Variants in TLE4 observed in about 807,000 individuals in gnomAD.
The protein encoded by TLE4 is transducin-like enhancer protein 4.
In TLE4, 8 loss-of-function variants were observed where a neutral mutation model predicts 92.8. The observed-to-expected ratio is 0.09, with a 90% CI of 0.05 to 0.16. The LOEUF (loss-of-function observed/expected upper bound fraction) is 0.16, where lower values mean the gene tolerates loss of function less well. TLE4 is among the 10% of genes least tolerant of loss of function. The probability of loss-of-function intolerance (pLI) is 1.00; values close to 1 mark genes in which losing one functional copy is unlikely to be tolerated. For missense variants in TLE4, 675 were observed against 997.6 expected (o/e 0.68, Z 4.36); for synonymous variants, 371 against 374.1 (o/e 0.99, Z 0.10).
chr9:79,655,132 C>G (rs1041932576), intron 8 of TLE4, among the ~76,000 whole-genome samples: 2 of 152,008 alleles, frequency 1.3e-5, no homozygotes. Flanking sequence ...CAGAGTGAGA[C>G]TCTGTCTCAA....
intron 14 of TLE4, among the ~76,000 whole-genome samples, chr9:79,716,202 A>G (rs1457543817): frequency 1.3e-5 from 2 of 152,116 alleles, no homozygotes; most frequent in African/African-American, 4.8e-5. Context: ...TATATCCTAT[A>G]TGCTCTCCAC....
chr9:79,613,696 G>A (rs952872737), intron 5 of TLE4, among the ~76,000 whole-genome samples: 2 of 152,146 alleles, frequency 1.3e-5, no homozygotes, highest in African/African-American at 2.4e-5. Context: ...TGCTTTTCAG[G>A]AGAGAGGTTC....
intron 4 of TLE4, among the ~76,000 whole-genome samples, chr9:79,605,737 A>G (rs1164668007): frequency 6.6e-6 from 1 of 152,172 alleles, no homozygotes; most frequent in East Asian, 1.9e-4. Flanking sequence ...CAGTAGCCCC[A>G]TGTATCTTGT....
chr9:79,725,372 G>A lies in TLE4; in HGVS notation c.*228G>A. 5.1e-6 allele frequency: 2 copies of A among 395,632 alleles called. No homozygotes were observed. Among genetic ancestry groups the A allele is most frequent in the Non-Finnish European group, 9.3e-6 (2 of 215,692 alleles). 24.5% of individuals were successfully genotyped at this position (395,632 alleles called of 1,614,324 possible). ...TCAGCTGTCTACTTGGAAGAACATG[G>A]AATAAGCATACTTAACAGTGAAAAG... On this transcript the variant is annotated 3_prime_UTR_variant, in exon 20 of 20. Coordinates refer to ENST00000376552, the MANE Select transcript of TLE4 (RefSeq NM_007005.6).
At chr9:79,687,800 C>A (rs75381144) in intron 8 of TLE4, among the ~76,000 whole-genome samples, 2,475 of 152,266 alleles carry the variant, frequency 0.016, 62 homozygotes, top group African/African-American at 0.056. Context: ...CCCTTTGTGA[C>A]CTTGCATGAG....
At position 79,612,136 on chromosome 9, in the gene TLE4, T is replaced by C. The variant is rs573397678; in HGVS notation, c.253-520T>C. Among the ~76,000 whole-genome samples the C allele has an allele frequency of 3.9e-5, 6 of 152,130 alleles. No individual in the cohort carries two copies. The East Asian group carries it at 1.2e-3, about 30-fold the overall frequency. On this transcript the variant is annotated intron_variant, in intron 4 of 19. Coordinates refer to ENST00000376552, the MANE Select transcript of TLE4 (RefSeq NM_007005.6). Reference sequence around the variant, plus strand: ...TTGTAAGAATCCGAATTAGCCAACTTTTTTGGGTTGTTTGGGTGCTGCTGT... The same window carrying C: ...TTGTAAGAATCCGAATTAGCCAACTCTTTTGGGTTGTTTGGGTGCTGCTGT...
chr9:79,584,497 GTC>G (rs1483266897), intron 4 of TLE4, among the ~76,000 whole-genome samples: 3 of 152,138 alleles, frequency 2.0e-5, no homozygotes, highest in Non-Finnish European at 4.4e-5. Context: ...TTTATTTCCT[GTC>G]TCTCTCTCGT....
At chr9:79,708,079 A>G (rs748710281) in intron 11 of TLE4, 39 bp from the exon 12 acceptor site, 1 of 1,604,646 alleles carries the variant, frequency 6.2e-7, no homozygotes, top group African/African-American at 1.3e-5. Context: ...TGTTAAAACC[A>G]TGTTCTAATT....
chr9:79,608,293 C>T (rs898403005), intron 4 of TLE4, among the ~76,000 whole-genome samples: 6 of 151,946 alleles, frequency 3.9e-5, no homozygotes, highest in Non-Finnish European at 8.8e-5. Flanking sequence ...ACTTTTTAAT[C>T]TAGGGTCAGG....
rs931149030 is a variant in TLE4 at position 79,704,773 on chromosome 9, C to G, written c.610-10C>G. On this transcript the variant is annotated splice_polypyrimidine_tract_variant and intron_variant, in intron 8 of 19. Coordinates refer to ENST00000376552, the MANE Select transcript of TLE4 (RefSeq NM_007005.6). ...TTTCTCAACCATGCTTCCTCTCCTTCTAATTCCAGAGCTCTTCAGTATCCC... is the reference window on the plus strand; with the variant it reads ...TTTCTCAACCATGCTTCCTCTCCTTGTAATTCCAGAGCTCTTCAGTATCCC... The G allele has an allele frequency of 1.2e-6, 2 of 1,606,142 alleles. No homozygotes were observed. The highest frequency in any genetic ancestry group is 1.3e-5 in the African/African-American group (1 of 74,326).
At chr9:79,698,252 A>AT (rs1372067721) in intron 8 of TLE4, among the ~76,000 whole-genome samples, 2 of 152,190 alleles carry the variant, frequency 1.3e-5, no homozygotes, top group African/African-American at 4.8e-5. Context: ...TAGCATAACC[A>AT]TTGTAGACAC....
chr9:79,645,860 A>G (rs944765388), intron 6 of TLE4, among the ~76,000 whole-genome samples: 2 of 152,176 alleles, frequency 1.3e-5, no homozygotes, highest in East Asian at 3.9e-4. Flanking sequence ...GTTTGAGATA[A>G]GAGAGGTTTT....
chr9:79,717,320 A>G (rs1004809357), intron 14 of TLE4, among the ~76,000 whole-genome samples: 6 of 152,138 alleles, frequency 3.9e-5, no homozygotes, highest in Non-Finnish European at 7.4e-5. Flanking sequence ...TCTTAGCCCT[A>G]GGGTCCTCTT....
chr9:79,621,808 G>A (rs937593219), intron 5 of TLE4, among the ~76,000 whole-genome samples: 7 of 152,146 alleles, frequency 4.6e-5, no homozygotes, highest in African/African-American at 1.7e-4. Flanking sequence ...GGTCTCTAAA[G>A]GCCTTTTCCA....
At chr9:79,613,877 A>C (rs1020921059) in intron 5 of TLE4, among the ~76,000 whole-genome samples, 5 of 152,058 alleles carry the variant, frequency 3.3e-5, no homozygotes, top group Non-Finnish European at 7.4e-5. Context: ...GGGAGGGGGC[A>C]CTCATATTCA....
At chr9:79,724,877 A>AAAAAAAAAAAAAC in intron 19 of TLE4, among the ~76,000 whole-genome samples, 160 bp from the exon 20 acceptor site, 1 of 148,282 alleles carries the variant, frequency 6.7e-6, no homozygotes, top group African/African-American at 2.5e-5. Context: ...AAAAAAAAAA[A>AAAAAAAAAAAAAC]AAAAGCAGCA....
At chr9:79,714,347 A>G (rs1194804273) in intron 14 of TLE4, among the ~76,000 whole-genome samples, 4 of 152,180 alleles carry the variant, frequency 2.6e-5, no homozygotes, top group African/African-American at 9.7e-5. Flanking sequence ...TTAATTATAT[A>G]GAGATATAGA....
At chr9:79,680,091 G>A (rs1160419419) in intron 8 of TLE4, among the ~76,000 whole-genome samples, 18 of 151,388 alleles carry the variant, frequency 1.2e-4, no homozygotes, top group Non-Finnish European at 1.9e-4. Context: ...GATTGACTTC[G>A]TGATGCAGGC....
At chr9:79,717,873 G>A (rs535133061) in intron 14 of TLE4, 79 of 418,920 alleles carry the variant, frequency 1.9e-4, no homozygotes, top group South Asian at 9.8e-4. Context: ...TGCCACTGGC[G>A]TCTTCTGCTT....
Sources: allele counts gnomAD v4.1 joint callset (sites outside exome capture counted in the v4.1 genomes callset), GRCh38; gene constraint gnomAD v4.1.1; transcripts MANE v1.5; gene names NCBI Gene and HGNC (gene_info 2026-07-23, HGNC 2026-07-21).